Variants in RUFY2 observed in about 807,000 individuals in gnomAD.
RUFY2 encodes the protein RUN and FYVE domain containing 2.
RUFY2 carries 49 observed loss-of-function variants against 94.4 expected under a neutral mutation model. The ratio of observed to expected loss-of-function variants is 0.52; its 90% confidence interval spans 0.41 to 0.66. The LOEUF (loss-of-function observed/expected upper bound fraction) is 0.66, where lower values mean the gene tolerates loss of function less well. RUFY2 is among the 30% of genes least tolerant of loss of function. The probability of loss-of-function intolerance (pLI) is 0.00; values close to 1 mark genes in which losing one functional copy is unlikely to be tolerated. For synonymous variants in RUFY2, 255 were observed against 235.7 expected, an observed-to-expected ratio of 1.08 and a Z score of -0.75; for missense variants, 541 against 692.8, an observed-to-expected ratio of 0.78 and a Z score of 2.46.
downstream of RUFY2, chr10:68,343,407 C>T (rs773716532): frequency 2.0e-5 from 3 of 152,482 alleles, no homozygotes; most frequent in Non-Finnish European, 2.9e-5. Flanking sequence ...CACCACCTGT[C>T]TTTTTTGAAA....
rs981019955 is a variant in RUFY2, at chr10:68,344,864, T to C, written c.*904A>G. 6.6e-6 allele frequency: 1 copy of C among 152,242 alleles called. No individual in the cohort carries two copies. The highest frequency in any genetic ancestry group is 1.5e-5 in the Non-Finnish European group (1 of 68,050). 9.4% of individuals were successfully genotyped at this position (152,242 alleles called of 1,614,324 possible). On this transcript the variant is annotated 3_prime_UTR_variant, in exon 18 of 18. Coordinates refer to ENST00000602465, the MANE Select transcript of RUFY2 (RefSeq NM_001330103.2). ...ATACAAAATTTTTTGAACTGAACTC[T>C]AATACATTACCAAAGCAAAGTCCTG...
At chr10:68,374,960 T>C (rs765548906) in intron 13 of RUFY2, among the ~76,000 whole-genome samples, 4 of 152,316 alleles carry the variant, frequency 2.6e-5, no homozygotes, top group East Asian at 1.9e-4. Flanking sequence ...TAAATATATA[T>C]GCATGCATGG....
chr10:68,376,407 C>T (rs2048640356), intron 13 of RUFY2, among the ~76,000 whole-genome samples: 1 of 125,056 alleles, frequency 8.0e-6, no homozygotes, highest in African/African-American at 2.9e-5. Flanking sequence ...CCAGCCTGGG[C>T]AACAAGAGTG....
intron 12 of RUFY2, chr10:68,378,749 A>C: frequency 9.8e-7 from 1 of 1,017,282 alleles, no homozygotes; most frequent in South Asian, 1.6e-5. Flanking sequence ...GGGATAAAGA[A>C]AACAAAAAAG....
rs371299843 is a variant in RUFY2, at chr10:68,345,801, C to G, written c.1788G>C (p.Leu596=). The G allele has an allele frequency of 1.9e-6, 3 of 1,613,522 alleles. No homozygotes were observed. The highest frequency in any genetic ancestry group is 3.3e-5 in the Admixed American group (2 of 59,934). ...PVRVCDSCHA[L]LIQRCSSNLP The stretch of plus-strand genomic sequence containing the variant: ...AGTTAGATGAGCATCTCTGAATGAG[C>G]AGTGCATGACAGGAATCACAAACCC... Residue 596 remains leucine (L), a synonymous_variant, in exon 18 of 18, where the codon CTG becomes CTC. Coordinates refer to ENST00000602465, the MANE Select transcript of RUFY2 (RefSeq NM_001330103.2).
downstream of RUFY2, chr10:68,342,315 T>G: frequency 2.9e-6 from 1 of 345,058 alleles, no homozygotes; most frequent in South Asian, 5.1e-5. Flanking sequence ...CTCCTAAAGA[T>G]GTGCTGCCTT....
chr10:68,347,103 G>A (rs1158457057), intron 16 of RUFY2, among the ~76,000 whole-genome samples: 1 of 151,812 alleles, frequency 6.6e-6, no homozygotes, highest in African/African-American at 2.4e-5. Flanking sequence ...ACTCGAGCCT[G>A]AGCAAGAGTG....
intron 13 of RUFY2, among the ~76,000 whole-genome samples, chr10:68,376,413 G>A (rs1170018632): frequency 7.9e-6 from 1 of 127,168 alleles, no homozygotes; most frequent in Non-Finnish European, 1.6e-5. Flanking sequence ...TGGGCAACAA[G>A]AGTGAAACTT....
chr10:68,388,892 T>A (rs2049758430), intron 7 of RUFY2, among the ~76,000 whole-genome samples: 1 of 152,024 alleles, frequency 6.6e-6, no homozygotes, highest in South Asian at 2.1e-4. Context: ...GAAACACTTT[T>A]ACTTTTATTT....
intron 11 of RUFY2, among the ~76,000 whole-genome samples, chr10:68,380,441 A>C (rs2048975612): frequency 6.6e-6 from 1 of 151,864 alleles, no homozygotes; most frequent in African/African-American, 2.4e-5. Flanking sequence ...GGAAAAAAAA[A>C]CTCCACCTTC....
chr10:68,402,347 C>T (rs2050913324), intron 2 of RUFY2, among the ~76,000 whole-genome samples: 2 of 152,112 alleles, frequency 1.3e-5, no homozygotes, highest in Admixed American at 6.5e-5. Flanking sequence ...CAATATAAAA[C>T]CATGAAATTG....
Position 68,368,942 on chromosome 10 carries a change from C to A in RUFY2, c.1326-4829G>T, listed in dbSNP as rs969872864. 2.6e-5 allele frequency among the ~76,000 whole-genome samples: 4 copies of A among 152,122 alleles called. 1 individual carries two copies. Among genetic ancestry groups the A allele is most frequent in the Non-Finnish European group, 4.4e-5 (3 of 68,034 alleles). On this transcript the variant is annotated intron_variant, in intron 13 of 17. Transcript: ENST00000602465. Reference sequence around the variant, plus strand: ...ATAAATGCCCTATTCCAGCAAAACACCCGAGAAAAAACCCATGCCCCCGCA... The same window carrying A: ...ATAAATGCCCTATTCCAGCAAAACAACCGAGAAAAAACCCATGCCCCCGCA...
In RUFY2 at chr10:68,383,798, C is replaced by T; in HGVS notation, c.939G>A (p.Gln313=). Residue 313 remains glutamine (Q), a splice_region_variant and synonymous_variant, in exon 10 of 18, where the codon CAG becomes CAA. Coordinates refer to ENST00000602465, the MANE Select transcript of RUFY2 (RefSeq NM_001330103.2). ...TAATGTAATTTTTAATATAACCTACCTGTCGTAACTGAGATTCATCTCGAA... is the reference window on the plus strand; with the variant it reads ...TAATGTAATTTTTAATATAACCTACTTGTCGTAACTGAGATTCATCTCGAA... ...RQLRDESQLR[Q]DVENELAVQV... is the part of the protein sequence containing the mutation. The T allele has an allele frequency of 6.3e-7, 1 of 1,591,164 alleles. No homozygotes were observed. Among genetic ancestry groups the T allele is most frequent in the Non-Finnish European group, 8.6e-7 (1 of 1,159,376 alleles).
chr10:68,389,358 C>A (rs972052744), intron 7 of RUFY2, among the ~76,000 whole-genome samples: 1 of 151,986 alleles, frequency 6.6e-6, no homozygotes, highest in Non-Finnish European at 1.5e-5. Flanking sequence ...TTTGGGAGGC[C>A]GAGGTGGGTG....
At chr10:68,363,944 T>C in intron 14 of RUFY2, 40 bp downstream of exon 14, 1 of 1,443,492 alleles carries the variant, frequency 6.9e-7, no homozygotes, top group Non-Finnish European at 9.6e-7. Flanking sequence ...TAAGTTAACA[T>C]TTGTCAAGAC....
intron 15 of RUFY2, among the ~76,000 whole-genome samples, chr10:68,360,684 C>T (rs1267222696): frequency 2.6e-5 from 4 of 152,022 alleles, no homozygotes; most frequent in African/African-American, 9.7e-5. Context: ...GCAGGCAGAG[C>T]TTGCAGTGAG....
chr10:68,391,367 G>A (rs2133023061), intron 7 of RUFY2, among the ~76,000 whole-genome samples: 1 of 151,914 alleles, frequency 6.6e-6, no homozygotes, highest in South Asian at 2.1e-4. Context: ...TTACTTATGT[G>A]GCTGGGCACA....
intron 2 of RUFY2, 72 bp from the exon 3 acceptor site, chr10:68,401,809 G>T: frequency 1.1e-6 from 1 of 872,684 alleles, no homozygotes; most frequent in Non-Finnish European, 1.9e-6. Context: ...TAAATATTTA[G>T]TTTCAACATT....
chr10:68,381,841 C>G (rs2049083394), intron 10 of RUFY2, among the ~76,000 whole-genome samples: 2 of 152,190 alleles, frequency 1.3e-5, no homozygotes, highest in Admixed American at 1.3e-4. Context: ...GAGTAAGACT[C>G]TGTCTCAAAA....
Sources: allele counts gnomAD v4.1 joint callset (sites outside exome capture counted in the v4.1 genomes callset), GRCh38; gene constraint gnomAD v4.1.1; transcripts MANE v1.5; gene names NCBI Gene and HGNC (gene_info 2026-07-23, HGNC 2026-07-21).